RBMS3: variants seen among roughly 807,000 people sequenced by gnomAD.
The protein encoded by RBMS3 is RNA-binding motif, single-stranded-interacting protein 3.
RBMS3 carries 27 observed loss-of-function variants against 66.8 expected under a neutral mutation model. The observed-to-expected ratio is 0.40, with a 90% CI of 0.30 to 0.56. The LOEUF (loss-of-function observed/expected upper bound fraction) is 0.56, where lower values mean the gene tolerates loss of function less well. RBMS3 is among the 20% of genes least tolerant of loss of function. RBMS3 has a pLI of 0.40. For missense variants in RBMS3, 513 were observed against 549.5 expected, an observed-to-expected ratio of 0.93 and a Z score of 0.66; for synonymous variants, 188 against 183.0, an observed-to-expected ratio of 1.03 and a Z score of -0.22.
At chr3:29,879,403 C>T (rs1246215699) in intron 7 of RBMS3, among the ~76,000 whole-genome samples, 1 of 151,966 alleles carries the variant, frequency 6.6e-6, no homozygotes, top group African/African-American at 2.4e-5. Flanking sequence ...AACAAGTGAA[C>T]AGTTGTAAAT....
chr3:29,582,160 A>AGAT (rs1254965179), intron 3 of RBMS3, among the ~76,000 whole-genome samples: 1 of 146,634 alleles, frequency 6.8e-6, no homozygotes, highest in African/African-American at 2.6e-5. Flanking sequence ...ATAGATAGAT[A>AGAT]GATAGATAGA....
intron 5 of RBMS3, among the ~76,000 whole-genome samples, chr3:29,742,054 A>G (rs538150306): frequency 8.9e-4 from 135 of 152,294 alleles, no homozygotes; most frequent in Non-Finnish European, 1.5e-3. Context: ...TCATAACACA[A>G]AGATTGAACT....
chr3:29,565,770 ATTG>A (rs1295487531), intron 3 of RBMS3, among the ~76,000 whole-genome samples: 1 of 152,152 alleles, frequency 6.6e-6, no homozygotes, highest in East Asian at 1.9e-4. Context: ...TATGAAAAAA[ATTG>A]TTTTCTTTTT....
intron 6 of RBMS3, among the ~76,000 whole-genome samples, chr3:29,839,359 T>C (rs558311088): frequency 1.3e-5 from 2 of 152,316 alleles, no homozygotes; most frequent in Non-Finnish European, 2.9e-5. Context: ...GCTTCTGTTG[T>C]TTTGGAACCA....
At chr3:29,780,798 A>G (rs9828612) in intron 6 of RBMS3, among the ~76,000 whole-genome samples, 35,864 of 151,928 alleles carry the variant, frequency 0.24, 4,973 homozygotes, top group East Asian at 0.7. Flanking sequence ...TCACAGAACA[A>G]GTCCCTGCTC....
chr3:29,506,297 G>A (rs2044178444), intron 3 of RBMS3, among the ~76,000 whole-genome samples: 1 of 151,786 alleles, frequency 6.6e-6, no homozygotes, highest in African/African-American at 2.4e-5. Context: ...AAGGGGATTG[G>A]ATTTTGTAAA....
intron 6 of RBMS3, among the ~76,000 whole-genome samples, chr3:29,787,484 G>A (rs909146228): frequency 6.6e-6 from 1 of 152,120 alleles, no homozygotes; most frequent in African/African-American, 2.4e-5. Flanking sequence ...TATATACGCT[G>A]TGGACTACAA....
chr3:29,763,652 A>G (rs1226255762), intron 6 of RBMS3, among the ~76,000 whole-genome samples: 1 of 152,076 alleles, frequency 6.6e-6, no homozygotes, highest in East Asian at 1.9e-4. Flanking sequence ...TTATGCTATT[A>G]AGAATTGCAT....
chr3:29,557,079 T>G (rs1050159966), intron 3 of RBMS3, among the ~76,000 whole-genome samples: 3 of 152,198 alleles, frequency 2.0e-5, no homozygotes, highest in Non-Finnish European at 4.4e-5. Flanking sequence ...TGGAAGTATT[T>G]CCTTAATAAA....
intron 1 of RBMS3, among the ~76,000 whole-genome samples, chr3:29,312,935 C>T (rs149183873): frequency 6.6e-6 from 1 of 151,684 alleles, no homozygotes; most frequent in African/African-American, 2.4e-5. Flanking sequence ...CTTCACTGCC[C>T]CTGCAGTGCC....
intron 6 of RBMS3, among the ~76,000 whole-genome samples, chr3:29,866,933 G>C (rs1237428696): frequency 6.6e-6 from 1 of 152,106 alleles, no homozygotes; most frequent in Non-Finnish European, 1.5e-5. Context: ...TCTCTATACA[G>C]AACTGTGTGC....
intron 1 of RBMS3, among the ~76,000 whole-genome samples, chr3:29,310,333 G>C (rs1233696664): frequency 4.0e-5 from 6 of 151,584 alleles, no homozygotes; most frequent in Non-Finnish European, 7.4e-5. Context: ...TATCTGGAGA[G>C]GCAAAGTCAA....
intron 4 of RBMS3, among the ~76,000 whole-genome samples, chr3:29,607,081 G>A (rs2048339940): frequency 6.6e-6 from 1 of 151,924 alleles, no homozygotes; most frequent in Non-Finnish European, 1.5e-5. Context: ...CTGGAAAATG[G>A]CAAACATTCT....
chr3:29,387,677 C>T (rs889979250), intron 1 of RBMS3, among the ~76,000 whole-genome samples: 3 of 151,938 alleles, frequency 2.0e-5, no homozygotes, highest in South Asian at 2.1e-4. Flanking sequence ...CCAAGGTGGG[C>T]GGATCATGAG....
In RBMS3 at chr3:29,431,266, T is replaced by G. The variant is rs905049564; in HGVS notation, c.76-3477T>G. 9.9e-5 allele frequency among the ~76,000 whole-genome samples: 15 copies of G among 151,056 alleles called. 1 individual carries two copies. Among genetic ancestry groups the G allele is most frequent in the Middle Eastern group, 6.9e-3 (2 of 288 alleles). On this transcript the variant is annotated intron_variant, in intron 1 of 14. Transcript: ENST00000383767. ...ATACTAAAGCAATACTAAAGAATAGTTGAGAAAAATGTTTCTTTCTTTCTT... is the reference window on the plus strand; with the variant it reads ...ATACTAAAGCAATACTAAAGAATAGGTGAGAAAAATGTTTCTTTCTTTCTT...
At chr3:29,633,648 G>C (rs1314535116) in intron 4 of RBMS3, among the ~76,000 whole-genome samples, 3 of 151,680 alleles carry the variant, frequency 2.0e-5, no homozygotes, top group African/African-American at 4.8e-5. Flanking sequence ...AAAATGCCTT[G>C]AGCCATAAAC....
intron 3 of RBMS3, among the ~76,000 whole-genome samples, chr3:29,540,954 C>T (rs1329609811): frequency 6.6e-6 from 1 of 152,096 alleles, no homozygotes; most frequent in Non-Finnish European, 1.5e-5. Context: ...CCTAAATTGC[C>T]TTATTACTCT....
chr3:29,776,499 AAAACTT>A lies in RBMS3; in HGVS notation c.637+13514_637+13519del, dbSNP rs2056432202. 5.3e-5 allele frequency among the ~76,000 whole-genome samples: 8 copies of A among 152,020 alleles called. 1 individual carries two copies. The South Asian group carries it at 1.7e-3, about 31-fold the overall frequency. On this transcript the variant is annotated intron_variant, in intron 6 of 14. Coordinates refer to ENST00000383767, the MANE Select transcript of RBMS3 (RefSeq NM_001003793.3). The stretch of plus-strand genomic sequence containing the variant: ...CCTGCATGTTGTGTACATGTACCCT[AAAACTT>A]AAAGTATAGTAAAAAAAACCTAATT...
chr3:29,754,325 C>T (rs2055315086), intron 5 of RBMS3, among the ~76,000 whole-genome samples: 1 of 152,220 alleles, frequency 6.6e-6, no homozygotes, highest in Non-Finnish European at 1.5e-5. Context: ...AGTCACAAAT[C>T]TGCAATCAGC....
Sources: gnomAD v4.1 joint callset for allele counts (sites outside exome capture counted in the v4.1 genomes callset) on GRCh38, gnomAD v4.1.1 for gene constraint, MANE v1.5 for transcripts, NCBI Gene and HGNC (gene_info 2026-07-23, HGNC 2026-07-21) for gene names.